TMEM273: variants seen among roughly 807,000 people sequenced by gnomAD.
TMEM273 encodes transmembrane protein 273, also known as chromosome 10 open reading frame 128.
Under a neutral mutation model 17.9 loss-of-function variants are expected in TMEM273, and 19 were observed. The observed-to-expected ratio is 1.06, with a 90% CI of 0.74 to 1.55. The LOEUF (loss-of-function observed/expected upper bound fraction) is 1.55. Ranked by LOEUF, TMEM273 falls within the 40% of genes most tolerant of loss-of-function variation. The pLI is 0.00. For synonymous variants in TMEM273, 66 were observed against 62.0 expected, an observed-to-expected ratio of 1.07 and a Z score of -0.31; for missense variants, 194 against 155.6, an observed-to-expected ratio of 1.25 and a Z score of -1.31.
intron 1 of TMEM273, among the ~76,000 whole-genome samples, chr10:49,169,711 T>C (rs1046602644): frequency 2.0e-5 from 3 of 152,174 alleles, no homozygotes; most frequent in Non-Finnish European, 2.9e-5. Context: ...CATTGTCTTA[T>C]TGTTTTTTTT....
chr10:49,161,250 T>C, intron 6 of TMEM273: 1 of 296,792 alleles, frequency 3.4e-6, no homozygotes, highest in Non-Finnish European at 6.3e-6. Context: ...TTTGGGAATT[T>C]TTTTCATCAA....
intron 1 of TMEM273, 38 bp downstream of exon 1, chr10:49,188,256 G>A (rs911476028): frequency 9.9e-6 from 16 of 1,612,352 alleles, no homozygotes; most frequent in Non-Finnish European, 1.4e-5. Flanking sequence ...GCCCACTGAG[G>A]CTCCCCCGGG....
In TMEM273 at chr10:49,188,181, T is replaced by C. The variant is rs555000835; in HGVS notation, c.43+113A>G. On this transcript the variant is annotated intron_variant, in intron 1 of 6. Coordinates refer to ENST00000374153, the MANE Select transcript of TMEM273 (RefSeq NM_001288740.3). ...AGATCAAAGTGAGAAACATCATCTG[T>C]GTAAAGGGACAGAGTTATGTTTTAG... is the stretch of plus-strand genomic sequence containing the variant. The C allele has an allele frequency of 5.6e-5, 67 of 1,190,410 alleles. 1 individual carries two copies. In the South Asian group the frequency reaches 8.9e-4, roughly 16 times the overall value. The allele number at this position is 1,190,410 out of a possible 1,614,324, so 73.7% of individuals were successfully genotyped here.
chr10:49,161,694 C>T, intron 5 of TMEM273, 72 bp from the exon 6 acceptor site: 1 of 1,593,176 alleles, frequency 6.3e-7, no homozygotes, highest in South Asian at 1.1e-5. Context: ...AAACTTGCTG[C>T]AAGAGAGTGG....
intron 1 of TMEM273, among the ~76,000 whole-genome samples, chr10:49,177,716 C>T (rs1320647935): frequency 2.6e-5 from 4 of 152,188 alleles, no homozygotes; most frequent in Non-Finnish European, 5.9e-5. Context: ...GGCTCATCTG[C>T]GGTTTGGGAG....
At chr10:49,163,306 T>TGA (rs3080161) in intron 5 of TMEM273, among the ~76,000 whole-genome samples, 5,001 of 147,808 alleles carry the variant, frequency 0.034, 247 homozygotes, top group African/African-American at 0.11. Context: ...TGTGTGTGTG[T>TGA]GAGAGAGAGA....
intron 1 of TMEM273, among the ~76,000 whole-genome samples, chr10:49,172,255 G>A (rs1258594195): frequency 6.6e-6 from 1 of 152,158 alleles, no homozygotes; most frequent in Admixed American, 6.5e-5. Flanking sequence ...GTGCCTAGGA[G>A]AAATCAAAGA....
At chr10:49,177,003 G>T (rs892089570) in intron 1 of TMEM273, among the ~76,000 whole-genome samples, 1 of 152,226 alleles carries the variant, frequency 6.6e-6, no homozygotes, top group African/African-American at 2.4e-5. Context: ...TTCTTCAGGG[G>T]CCCCTTCCAG....
chr10:49,166,781 T>C, intron 3 of TMEM273, 88 bp downstream of exon 3: 1 of 1,579,100 alleles, frequency 6.3e-7, no homozygotes, highest in Non-Finnish European at 8.6e-7. Flanking sequence ...CGCTTGTGGG[T>C]TCATTCTTGC....
intron 1 of TMEM273, among the ~76,000 whole-genome samples, chr10:49,170,616 G>A (rs191777496): frequency 5.3e-4 from 81 of 152,292 alleles, no homozygotes; most frequent in Non-Finnish European, 9.0e-4. Flanking sequence ...GTCACTTGCA[G>A]GGAGACCAAC....
At chr10:49,173,872 T>C (rs534839561) in intron 1 of TMEM273, among the ~76,000 whole-genome samples, 17 of 152,270 alleles carry the variant, frequency 1.1e-4, no homozygotes, top group South Asian at 8.3e-4. Context: ...GGGGGGGCGA[T>C]AGCGTTTCCC....
intron 1 of TMEM273, among the ~76,000 whole-genome samples, chr10:49,179,170 A>C (rs557716109): frequency 6.6e-6 from 1 of 152,372 alleles, no homozygotes; most frequent in South Asian, 2.1e-4. Flanking sequence ...GGAGCAGTTC[A>C]AGCAATTGTG....
intron 1 of TMEM273, among the ~76,000 whole-genome samples, chr10:49,177,234 G>T (rs926083645): frequency 6.6e-6 from 1 of 152,242 alleles, no homozygotes; most frequent in East Asian, 1.9e-4. Flanking sequence ...AAACCACCAG[G>T]TGGAGGGATC....
chr10:49,182,500 T>A (rs1393418933), intron 1 of TMEM273, among the ~76,000 whole-genome samples: 1 of 152,218 alleles, frequency 6.6e-6, no homozygotes, highest in African/African-American at 2.4e-5. Flanking sequence ...TGATATTGTA[T>A]CTCTCTTATT....
intron 3 of TMEM273, 56 bp downstream of exon 3, chr10:49,166,813 G>A: frequency 1.2e-6 from 2 of 1,606,666 alleles, no homozygotes; most frequent in Non-Finnish European, 1.7e-6. Flanking sequence ...TCACAGAGTG[G>A]CCCTCGGTGC....
chr10:49,162,977 C>A (rs1845938007), intron 5 of TMEM273, among the ~76,000 whole-genome samples: 1 of 152,218 alleles, frequency 6.6e-6, no homozygotes, highest in African/African-American at 2.4e-5. Flanking sequence ...CAGCGCCCAA[C>A]CCACAGCCAT....
intron 5 of TMEM273, among the ~76,000 whole-genome samples, chr10:49,163,622 A>G (rs758568146): frequency 4.0e-4 from 61 of 152,166 alleles, no homozygotes; most frequent in Non-Finnish European, 7.5e-4. Context: ...ATGATAAGTT[A>G]TATATCCTGT....
intron 5 of TMEM273, among the ~76,000 whole-genome samples, chr10:49,161,923 G>T (rs1227447945): frequency 6.6e-6 from 1 of 152,128 alleles, no homozygotes; most frequent in Non-Finnish European, 1.5e-5. Context: ...TCCAGCCATT[G>T]CCTCCCAGCC....
intron 1 of TMEM273, among the ~76,000 whole-genome samples, chr10:49,183,972 A>G (rs1230461093): frequency 6.6e-6 from 1 of 152,216 alleles, no homozygotes; most frequent in Admixed American, 6.5e-5. Flanking sequence ...GCATGATTCA[A>G]AGAGAGACAG....
Sources: gnomAD v4.1 joint callset for allele counts (sites outside exome capture counted in the v4.1 genomes callset) on GRCh38, gnomAD v4.1.1 for gene constraint, MANE v1.5 for transcripts, NCBI Gene and HGNC (gene_info 2026-07-23, HGNC 2026-07-21) for gene names.